The following SLC20A2 variants were observed in gnomAD, a reference collection of about 807,000 sequenced individuals.
SLC20A2 encodes sodium-dependent phosphate transporter 2.
Under a neutral mutation model 61.0 loss-of-function variants are expected in SLC20A2, and 30 were observed. The ratio of observed to expected loss-of-function variants is 0.49; its 90% CI spans 0.37 to 0.67. SLC20A2 has a LOEUF of 0.67. Ranked by LOEUF, SLC20A2 falls within the 30% of genes least tolerant of loss-of-function variation. The probability of loss-of-function intolerance (pLI) is 0.00; values close to 1 mark genes in which losing one functional copy is unlikely to be tolerated. For synonymous variants in SLC20A2, 351 were observed against 353.3 expected, an observed-to-expected ratio of 0.99 and a Z score of 0.07; for missense variants, 626 against 866.4, an observed-to-expected ratio of 0.72 and a Z score of 3.48.
chr8:42,514,964 T>A (rs550886961), intron 1 of SLC20A2, among the ~76,000 whole-genome samples: 1 of 152,038 alleles, frequency 6.6e-6, no homozygotes, highest in East Asian at 1.9e-4. Context: ...AAAAGAGGAA[T>A]TAAGGATGAC....
At chr8:42,418,656 G>A (rs1802832803) in intron 10 of SLC20A2, among the ~76,000 whole-genome samples, 2 of 151,874 alleles carry the variant, frequency 1.3e-5, no homozygotes, top group Non-Finnish European at 2.9e-5. Flanking sequence ...CCAAAGTGCT[G>A]GGATTACAGG....
chr8:42,529,761 T>C (rs1475436447), intron 1 of SLC20A2, among the ~76,000 whole-genome samples: 1 of 152,238 alleles, frequency 6.6e-6, no homozygotes, highest in Non-Finnish European at 1.5e-5. Context: ...GCCACTTTTC[T>C]AATCATCACC....
chr8:42,484,723 C>T (rs751884959), intron 1 of SLC20A2: 9 of 371,352 alleles, frequency 2.4e-5, no homozygotes, highest in Non-Finnish European at 4.2e-5. Flanking sequence ...CTATGGCTGG[C>T]AGCCACCATG....
intron 1 of SLC20A2, among the ~76,000 whole-genome samples, chr8:42,475,655 C>T (rs976766131): frequency 2.0e-5 from 3 of 152,002 alleles, no homozygotes; most frequent in African/African-American, 7.3e-5. Flanking sequence ...AGGTGATCCA[C>T]CCCACTTGGC....
chr8:42,424,045 G>C (rs1803225022), intron 10 of SLC20A2, among the ~76,000 whole-genome samples: 1 of 152,214 alleles, frequency 6.6e-6, no homozygotes, highest in Admixed American at 6.5e-5. Context: ...AGTGAGGACT[G>C]ACAATGTGGG....
At chr8:42,532,258 T>C (rs1812383153) in intron 1 of SLC20A2, among the ~76,000 whole-genome samples, 1 of 152,180 alleles carries the variant, frequency 6.6e-6, no homozygotes, top group Admixed American at 6.6e-5. Context: ...ACCGTTTATC[T>C]AAAAAATGTT....
Position 42,472,145 on chromosome 8 carries a change from C to T in SLC20A2, c.246G>A (p.Glu82=), listed in dbSNP as rs191315561. 1.9e-5 allele frequency: 31 copies of T among 1,613,886 alleles called. No homozygotes were observed. The highest frequency in any genetic ancestry group is 9.3e-5 in the African/African-American group (7 of 75,042). Residue 82 remains glutamate, a synonymous_variant, in exon 2 of 11, where the codon GAG becomes GAA. Coordinates refer to ENST00000520262, the MANE Select transcript of SLC20A2 (RefSeq NM_001257180.2). This position sits in a 1 kb window ranked among gnomAD's most constrained non-coding sequence, Gnocchi z 4.1. The stretch of plus-strand genomic sequence containing the variant: ...CCCCAGCCATGAGAGTCTCCACCGT[C>T]TCGTTGTACAGGTTCACGTCAATGA... ...KGIIDVNLYN[E]TVETLMAGEV... is the part of the protein sequence containing the mutation.
chr8:42,524,062 T>C (rs1811763357), intron 1 of SLC20A2, among the ~76,000 whole-genome samples: 1 of 152,206 alleles, frequency 6.6e-6, no homozygotes, highest in Non-Finnish European at 1.5e-5. Flanking sequence ...CAGCAGATTT[T>C]GATAAAAGCT....
intron 1 of SLC20A2, among the ~76,000 whole-genome samples, chr8:42,480,240 G>A (rs536648254): frequency 4.6e-5 from 7 of 152,276 alleles, no homozygotes; most frequent in African/African-American, 1.2e-4. Context: ...AGAAAGCACC[G>A]CCTAAGACTT....
At chr8:42,458,608 GAAA>G (rs1245776628) in intron 5 of SLC20A2, among the ~76,000 whole-genome samples, 1 of 64,192 alleles carries the variant, frequency 1.6e-5, no homozygotes. Flanking sequence ...GGGCAATAAA[GAAA>G]AAAAAAAAAA....
At chr8:42,465,667 G>GC in intron 3 of SLC20A2, 110 bp downstream of exon 3, 1 of 1,102,866 alleles carries the variant, frequency 9.1e-7, no homozygotes, top group Non-Finnish European at 1.3e-6. Flanking sequence ...CTCCAGCCTG[G>GC]CAACAGAGTG....
chr8:42,448,767 G>A (rs186123703), intron 5 of SLC20A2, among the ~76,000 whole-genome samples: 7,891 of 152,238 alleles, frequency 0.052, 283 homozygotes, highest in Non-Finnish European at 0.086. Flanking sequence ...GAAAACAGGG[G>A]AAGCTGTTCA....
intron 1 of SLC20A2, among the ~76,000 whole-genome samples, chr8:42,480,226 T>C (rs1461062129): frequency 1.3e-5 from 2 of 152,206 alleles, no homozygotes; most frequent in Non-Finnish European, 2.9e-5. Flanking sequence ...CTCCGCTATG[T>C]TTAAGAAAGC....
intron 1 of SLC20A2, among the ~76,000 whole-genome samples, chr8:42,486,539 G>A (rs1809027358): frequency 6.6e-6 from 1 of 152,340 alleles, no homozygotes; most frequent in African/African-American, 2.4e-5. Flanking sequence ...TGGAATCTCT[G>A]TTATTTATGT....
At chr8:42,478,462 A>G (rs1808326563) in intron 1 of SLC20A2, among the ~76,000 whole-genome samples, 1 of 152,030 alleles carries the variant, frequency 6.6e-6, no homozygotes, top group Admixed American at 6.6e-5. Flanking sequence ...TCCACCTGCC[A>G]TGGCTCCCAA....
intron 5 of SLC20A2, among the ~76,000 whole-genome samples, chr8:42,447,495 G>A (rs560097714): frequency 1.3e-5 from 2 of 151,968 alleles, no homozygotes; most frequent in Non-Finnish European, 2.9e-5. Flanking sequence ...GGCTAACACG[G>A]TGAAACCCCG....
At chr8:42,455,905 T>C (rs1437924840) in intron 5 of SLC20A2, among the ~76,000 whole-genome samples, 1 of 152,144 alleles carries the variant, frequency 6.6e-6, no homozygotes, top group East Asian at 1.9e-4. Context: ...TATTGCCAAT[T>C]ACCAAGAGTA....
chr8:42,465,405 A>G (rs1285436444), intron 3 of SLC20A2, among the ~76,000 whole-genome samples: 1 of 151,780 alleles, frequency 6.6e-6, no homozygotes, highest in Non-Finnish European at 1.5e-5. Context: ...ATATAAAATT[A>G]ACCTGTGGCT....
intron 1 of SLC20A2, chr8:42,536,240 A>G (rs2131454064): frequency 6.6e-6 from 1 of 152,356 alleles, no homozygotes; most frequent in South Asian, 2.1e-4. Context: ...TTAAGGGAGC[A>G]TAACGAAAGC....
Sources: allele counts gnomAD v4.1 joint callset (sites outside exome capture counted in the v4.1 genomes callset), GRCh38; gene constraint gnomAD v4.1.1; non-coding constraint Gnocchi (gnomAD v3.1); transcripts MANE v1.5; gene names NCBI Gene and HGNC (gene_info 2026-07-23, HGNC 2026-07-21).